The following PREX2 variants were observed in gnomAD, a reference collection of about 807,000 sequenced individuals.
PREX2 encodes phosphatidylinositol 3,4,5-trisphosphate-dependent Rac exchanger 2 protein.
PREX2 carries 107 observed loss-of-function variants against 203.2 expected under a neutral mutation model. That is an observed-to-expected ratio of 0.53 (90% CI 0.45 to 0.62). The LOEUF (loss-of-function observed/expected upper bound fraction) is 0.62. PREX2 is among the 20% of genes least tolerant of loss of function. The pLI, the probability that PREX2 is intolerant of heterozygous loss-of-function variation, is 0.00. For missense variants in PREX2, 1,777 were observed against 1,955.9 expected (o/e 0.91, Z 1.72); for synonymous variants, 672 against 663.6 (o/e 1.01, Z -0.19).
rs530087511 is a variant in PREX2, at chr8:68,194,609, G to T, written c.4604+2084G>T. Among the ~76,000 whole-genome samples, 5 of 149,712 alleles carry T rather than the reference G, an allele frequency of 3.3e-5. No homozygotes were observed. In the South Asian group the frequency reaches 1.1e-3, roughly 32 times the overall value. On this transcript the variant is annotated intron_variant, in intron 37 of 39. Coordinates refer to ENST00000288368, the MANE Select transcript of PREX2 (RefSeq NM_024870.4). The stretch of plus-strand genomic sequence containing the variant: ...AGTTCGAGAGCAAACTCATCAACAT[G>T]GTGAAACCTCATCTCTACTAAAAAA...
At position 68,010,920 on chromosome 8, in the gene PREX2, C is replaced by T. The variant is rs16934003; in HGVS notation, c.142-6926C>T. Among the ~76,000 whole-genome samples the T allele has an allele frequency of 1.9e-3, 285 of 152,062 alleles. 3 individuals are homozygous for T. The highest frequency in any genetic ancestry group is 6.4e-3 in the African/African-American group (267 of 41,482). The stretch of plus-strand genomic sequence containing the variant: ...ATTCAGGAAAGAGACATCAATGACC[C>T]GAAACAATACAAGGAACACAAGATC... On this transcript the variant is annotated intron_variant, in intron 1 of 39. Transcript: ENST00000288368.
At chr8:68,199,728 C>A (rs1315465493) in intron 37 of PREX2, among the ~76,000 whole-genome samples, 1 of 152,006 alleles carries the variant, frequency 6.6e-6, no homozygotes, top group Non-Finnish European at 1.5e-5. Context: ...ATTTAAAAAC[C>A]CACTTTTGTT....
intron 18 of PREX2, among the ~76,000 whole-genome samples, chr8:68,085,919 T>C (rs1042260650): frequency 2.2e-4 from 33 of 152,216 alleles, no homozygotes; most frequent in African/African-American, 6.8e-4. Context: ...GAAAGTTCTA[T>C]GTTGTTTCAG....
intron 35 of PREX2, among the ~76,000 whole-genome samples, chr8:68,165,450 G>A (rs6984885): frequency 0.14 from 21,295 of 151,702 alleles, 1,584 homozygotes; most frequent in South Asian, 0.19. Context: ...CCATCCCCTC[G>A]GTGTTTTCAC....
At chr8:68,114,132 G>A (rs933087408) in intron 25 of PREX2, among the ~76,000 whole-genome samples, 12 of 152,132 alleles carry the variant, frequency 7.9e-5, no homozygotes, top group African/African-American at 2.7e-4. Flanking sequence ...AAAGCGCTGG[G>A]ATTACAGGCA....
At chr8:68,196,095 TG>T (rs1812388964) in intron 37 of PREX2, among the ~76,000 whole-genome samples, 1 of 152,084 alleles carries the variant, frequency 6.6e-6, no homozygotes, top group Non-Finnish European at 1.5e-5. Context: ...TTATCTTTTC[TG>T]GAGTACTCTT....
intron 21 of PREX2, among the ~76,000 whole-genome samples, chr8:68,094,401 A>G (rs751465966): frequency 2.6e-5 from 4 of 152,190 alleles, no homozygotes; most frequent in African/African-American, 4.8e-5. Context: ...TTTGATAAGG[A>G]CGGTTATCAT....
chr8:68,118,326 G>A (rs1399667901), intron 26 of PREX2, among the ~76,000 whole-genome samples: 2 of 150,376 alleles, frequency 1.3e-5, no homozygotes, highest in Non-Finnish European at 2.9e-5. Context: ...CTGCACTCCA[G>A]TCTGGGAGAC....
chr8:67,993,462 A>G (rs1240102306), intron 1 of PREX2, among the ~76,000 whole-genome samples: 1 of 148,606 alleles, frequency 6.7e-6, no homozygotes, highest in African/African-American at 2.5e-5. Context: ...ACTGGAGTAC[A>G]GTGGTGTGGT....
chr8:68,099,206 A>G (rs1359308711), intron 22 of PREX2, among the ~76,000 whole-genome samples: 1 of 152,080 alleles, frequency 6.6e-6, no homozygotes, highest in African/African-American at 2.4e-5. Flanking sequence ...TTTCTTCAGC[A>G]AGCAGTTGTC....
intron 10 of PREX2, 53 bp downstream of exon 10, chr8:68,056,027 C>G (rs1410139747): frequency 2.0e-6 from 3 of 1,513,222 alleles, no homozygotes; most frequent in Non-Finnish European, 2.7e-6. Context: ...CATTGTCTCA[C>G]CTGTTAACTT....
chr8:68,047,791 T>C (rs1585736165), intron 8 of PREX2, among the ~76,000 whole-genome samples: 1 of 151,812 alleles, frequency 6.6e-6, no homozygotes, highest in Admixed American at 6.6e-5. Context: ...AATAGTTTTC[T>C]AAGGAAGAAG....
chr8:68,140,353 T>C (rs1244943645), intron 33 of PREX2, among the ~76,000 whole-genome samples: 5 of 152,218 alleles, frequency 3.3e-5, no homozygotes, highest in African/African-American at 7.2e-5. Flanking sequence ...TGCTGCACTA[T>C]TGAACACTAA....
At chr8:68,149,473 C>T (rs898886296) in intron 34 of PREX2, among the ~76,000 whole-genome samples, 6 of 152,172 alleles carry the variant, frequency 3.9e-5, no homozygotes, top group African/African-American at 1.4e-4. Flanking sequence ...GTGCCAATCA[C>T]ACTAAAACAA....
intron 1 of PREX2, among the ~76,000 whole-genome samples, chr8:67,964,119 G>A (rs1030985560): frequency 2.0e-5 from 3 of 152,212 alleles, no homozygotes; most frequent in Non-Finnish European, 4.4e-5. Flanking sequence ...CCCTATGGTT[G>A]AAGCTGACTT....
At chr8:68,121,252 C>G (rs1810768210) in intron 30 of PREX2, among the ~76,000 whole-genome samples, 1 of 151,964 alleles carries the variant, frequency 6.6e-6, no homozygotes, top group Non-Finnish European at 1.5e-5. Context: ...TTATAAACAT[C>G]ATGGAGAATA....
intron 14 of PREX2, among the ~76,000 whole-genome samples, chr8:68,076,802 T>C (rs1809365936): frequency 6.6e-6 from 1 of 151,308 alleles, no homozygotes; most frequent in African/African-American, 2.4e-5. Context: ...AAGAAAAAGG[T>C]TGCTTTGGGC....
intron 1 of PREX2, among the ~76,000 whole-genome samples, chr8:67,981,761 G>T (rs1447318516): frequency 2.6e-5 from 4 of 152,200 alleles, no homozygotes. Context: ...TAATCAGGCA[G>T]CCTGAGCTGC....
chr8:67,955,694 G>T (rs979462202), intron 1 of PREX2, among the ~76,000 whole-genome samples: 32 of 152,296 alleles, frequency 2.1e-4, no homozygotes, highest in African/African-American at 7.7e-4. Context: ...CCATAATTGT[G>T]TGCAGTGCTT....
Sources: gnomAD v4.1 joint callset for allele counts (sites outside exome capture counted in the v4.1 genomes callset) on GRCh38, gnomAD v4.1.1 for gene constraint, MANE v1.5 for transcripts, NCBI Gene and HGNC (gene_info 2026-07-23, HGNC 2026-07-21) for gene names.